The following EPHA6 variants were observed in gnomAD, a reference collection of about 807,000 sequenced individuals.
EPHA6 encodes the protein ephrin type-A receptor 6.
EPHA6 carries 50 observed loss-of-function variants against 112.0 expected under a neutral mutation model. The observed-to-expected ratio is 0.45, with a 90% CI of 0.36 to 0.56. The LOEUF (loss-of-function observed/expected upper bound fraction) is 0.56, where lower values mean the gene tolerates loss of function less well. Among genes scored for constraint, EPHA6 ranks in the 20% least tolerant of loss-of-function variants. The pLI is 0.00. For synonymous variants in EPHA6, 529 were observed against 490.7 expected (o/e 1.08, Z -1.03); for missense variants, 1,280 against 1,417.4 (o/e 0.90, Z 1.56).
At chr3:97,733,495 T>G (rs2035126460) in intron 15 of EPHA6, among the ~76,000 whole-genome samples, 1 of 152,072 alleles carries the variant, frequency 6.6e-6, no homozygotes, top group Admixed American at 6.6e-5. Flanking sequence ...AAGAATCTGC[T>G]CCTCTATCAA....
chr3:97,602,094 A>G (rs1163972670), intron 12 of EPHA6, among the ~76,000 whole-genome samples: 1 of 152,074 alleles, frequency 6.6e-6, no homozygotes, highest in Non-Finnish European at 1.5e-5. Context: ...AAAAGCATAT[A>G]ACATTGCTGC....
chr3:97,699,485 G>C (rs1173315996), intron 14 of EPHA6, among the ~76,000 whole-genome samples: 1 of 152,150 alleles, frequency 6.6e-6, no homozygotes, highest in Non-Finnish European at 1.5e-5. Flanking sequence ...TTGAAGTATT[G>C]AGAGGTAAAG....
rs2091912997 is a variant in EPHA6, at chr3:97,493,895, G to C, written c.2200+9836G>C. 2.6e-5 allele frequency among the ~76,000 whole-genome samples: 4 copies of C among 152,226 alleles called. 1 individual carries two copies. The highest frequency in any genetic ancestry group is 6.8e-3 in the Middle Eastern group (2 of 294). Reference sequence around the variant, plus strand: ...GAGGCACAGGGAAACAGAGAGAGGAGCAATAGGTCTCCCAGAGTAAAATCT... The same window carrying C: ...GAGGCACAGGGAAACAGAGAGAGGACCAATAGGTCTCCCAGAGTAAAATCT... On this transcript the variant is annotated intron_variant, in intron 10 of 17. Transcript: ENST00000389672.
intron 14 of EPHA6, among the ~76,000 whole-genome samples, chr3:97,642,162 AC>A (rs1205058661): frequency 5.3e-4 from 62 of 116,742 alleles, no homozygotes; most frequent in African/African-American, 2.0e-3. Context: ...ACTGGGAGGC[AC>A]CCCCCAGCAG....
intron 1 of EPHA6, among the ~76,000 whole-genome samples, chr3:96,866,316 A>T (rs2036307452): frequency 6.6e-6 from 1 of 152,050 alleles, no homozygotes; most frequent in African/African-American, 2.4e-5. Context: ...TAAACTACCT[A>T]GTGTATATAA....
At chr3:97,693,756 C>T (rs1034814440) in intron 14 of EPHA6, among the ~76,000 whole-genome samples, 3 of 151,916 alleles carry the variant, frequency 2.0e-5, no homozygotes, top group Admixed American at 6.6e-5. Context: ...TGCAGTGAGC[C>T]GAGATCGCGC....
At chr3:97,534,452 AC>A (rs371535555) in intron 11 of EPHA6, among the ~76,000 whole-genome samples, 154 of 107,184 alleles carry the variant, frequency 1.4e-3, no homozygotes, top group East Asian at 5.9e-3. Flanking sequence ...TTTAAAACCC[AC>A]CCCCCCCTTT....
chr3:97,112,661 A>G (rs1368312384), intron 3 of EPHA6, among the ~76,000 whole-genome samples: 1 of 151,820 alleles, frequency 6.6e-6, no homozygotes, highest in Non-Finnish European at 1.5e-5. Flanking sequence ...TTTCTAGCCT[A>G]GTATGATTTA....
intron 5 of EPHA6, among the ~76,000 whole-genome samples, chr3:97,377,505 T>G (rs1247986462): frequency 1.3e-5 from 2 of 152,002 alleles, no homozygotes; most frequent in Non-Finnish European, 2.9e-5. Flanking sequence ...AATGTGGAAG[T>G]GACTTTGGAA....
chr3:96,983,442 C>A (rs945560345), intron 2 of EPHA6, among the ~76,000 whole-genome samples: 20 of 152,138 alleles, frequency 1.3e-4, no homozygotes, highest in Admixed American at 1.0e-3. Context: ...TGATGGGTTT[C>A]CCTTTGTGGG....
intron 2 of EPHA6, among the ~76,000 whole-genome samples, chr3:96,981,961 C>T (rs111327025): frequency 1.1e-4 from 16 of 152,004 alleles, no homozygotes; most frequent in African/African-American, 3.9e-4. Context: ...CTTTATTAGT[C>T]CTGCTAGCGG....
chr3:96,996,129 T>C (rs940101184), intron 3 of EPHA6, among the ~76,000 whole-genome samples: 2 of 152,148 alleles, frequency 1.3e-5, no homozygotes, highest in African/African-American at 4.8e-5. Context: ...TTAGATTCTG[T>C]CTCAAGAAAC....
At chr3:97,639,535 A>C (rs115414997) in intron 14 of EPHA6, among the ~76,000 whole-genome samples, 1 of 152,248 alleles carries the variant, frequency 6.6e-6, no homozygotes, top group East Asian at 1.9e-4. Context: ...TCTACTAAAA[A>C]ATAAAATATG....
chr3:97,161,086 A>G (rs114583170), intron 3 of EPHA6, among the ~76,000 whole-genome samples: 1,619 of 152,200 alleles, frequency 0.011, 13 homozygotes, highest in Non-Finnish European at 0.016. Context: ...CGTATTTACT[A>G]CTTCCATTTG....
At chr3:97,501,642 GA>G (rs1383826255) in intron 10 of EPHA6, among the ~76,000 whole-genome samples, 1 of 151,754 alleles carries the variant, frequency 6.6e-6, no homozygotes, top group Non-Finnish European at 1.5e-5. Context: ...AAATAATAGT[GA>G]AAAAAACTAC....
At chr3:96,893,115 C>T (rs372204333) in intron 2 of EPHA6, among the ~76,000 whole-genome samples, 1 of 152,042 alleles carries the variant, frequency 6.6e-6, no homozygotes, top group East Asian at 1.9e-4. Flanking sequence ...AACATCATAG[C>T]ACAATGCATT....
chr3:97,708,636 A>T lies in EPHA6; in HGVS notation c.2785-11625A>T, dbSNP rs1348976250. Among the ~76,000 whole-genome samples, 2 of 152,252 alleles carry T rather than the reference A, an allele frequency of 1.3e-5. 1 individual carries two copies. The highest frequency in any genetic ancestry group is 2.9e-5 in the Non-Finnish European group (2 of 68,042). On this transcript the variant is annotated intron_variant, in intron 14 of 17. Coordinates refer to ENST00000389672, the MANE Select transcript of EPHA6 (RefSeq NM_001080448.3). Reference sequence around the variant, plus strand: ...TGTTAATCGCCAAGACAATGGGGAAAATGTCTCCAGGGCATTTCAGAGATC... The same window carrying T: ...TGTTAATCGCCAAGACAATGGGGAATATGTCTCCAGGGCATTTCAGAGATC...
At chr3:97,320,103 T>A (rs949195190) in intron 5 of EPHA6, among the ~76,000 whole-genome samples, 2 of 152,064 alleles carry the variant, frequency 1.3e-5, no homozygotes, top group African/African-American at 4.8e-5. Flanking sequence ...TTGGCATAGG[T>A]TTACAATCTT....
At chr3:97,535,434 G>A (rs574197250) in intron 11 of EPHA6, among the ~76,000 whole-genome samples, 3 of 152,216 alleles carry the variant, frequency 2.0e-5, no homozygotes, top group East Asian at 1.9e-4. Context: ...AGTGAGCCCC[G>A]TATAGGGTGG....
Sources: gnomAD v4.1 joint callset for allele counts (sites outside exome capture counted in the v4.1 genomes callset) on GRCh38, gnomAD v4.1.1 for gene constraint, MANE v1.5 for transcripts, NCBI Gene and HGNC (gene_info 2026-07-23, HGNC 2026-07-21) for gene names.